Variants in OSMR observed in about 807,000 individuals in gnomAD.
OSMR encodes the protein oncostatin M receptor.
A neutral mutation model predicts 99.9 loss-of-function variants in OSMR; 81 were observed. The ratio of observed to expected loss-of-function variants is 0.81; its 90% CI spans 0.68 to 0.97. The LOEUF (loss-of-function observed/expected upper bound fraction) is 0.97, where lower values mean the gene tolerates loss of function less well. OSMR is among the 50% of genes least tolerant of loss of function. The pLI is 0.00. For synonymous variants in OSMR, 406 were observed against 410.4 expected (o/e 0.99, Z 0.13); for missense variants, 1,099 against 1,153.4 (o/e 0.95, Z 0.68).
downstream of OSMR, chr5:38,937,810 A>C (rs1037046745): frequency 7.7e-5 from 13 of 168,640 alleles, no homozygotes; most frequent in Non-Finnish European, 1.4e-4. The surrounding 1 kb of genome is among the most constrained non-coding windows in gnomAD (Gnocchi z 4.0). Context: ...GTGGTACCTA[A>C]AAGTCACTTT....
At chr5:38,850,998 G>A (rs549119585) in intron 1 of OSMR, among the ~76,000 whole-genome samples, 3 of 152,120 alleles carry the variant, frequency 2.0e-5, no homozygotes, top group Non-Finnish European at 4.4e-5. Context: ...TACATTTTCT[G>A]TACAGAAAAA....
At chr5:38,854,588 T>A (rs1206769304) in intron 1 of OSMR, among the ~76,000 whole-genome samples, 1 of 152,144 alleles carries the variant, frequency 6.6e-6, no homozygotes, top group African/African-American at 2.4e-5. Flanking sequence ...TTGACAATAG[T>A]AAAAGTAGAA....
At chr5:38,857,246 C>T (rs764754848) in intron 1 of OSMR, among the ~76,000 whole-genome samples, 1 of 152,212 alleles carries the variant, frequency 6.6e-6, no homozygotes, top group African/African-American at 2.4e-5. Flanking sequence ...TTCTCTGAAT[C>T]ATCTGCTTTT....
At chr5:38,875,435 T>C (rs1282422057) in intron 2 of OSMR, among the ~76,000 whole-genome samples, 1 of 152,226 alleles carries the variant, frequency 6.6e-6, no homozygotes, top group African/African-American at 2.4e-5. Flanking sequence ...AGTGGCGCCA[T>C]TGGTGGTTTA....
chr5:38,848,253 A>T (rs1740044820), intron 1 of OSMR, among the ~76,000 whole-genome samples: 1 of 152,170 alleles, frequency 6.6e-6, no homozygotes, highest in South Asian at 2.1e-4. Flanking sequence ...TGCTTAAAAA[A>T]TGTGTAAAAT....
At position 38,921,643 on chromosome 5, in the gene OSMR, C is replaced by A. The variant is rs1746239486; in HGVS notation, c.1614C>A (p.Gly538=). The A allele has an allele frequency of 6.2e-7, 1 of 1,614,026 alleles. No individual in the cohort carries two copies. The highest frequency in any genetic ancestry group is 2.2e-5 in the East Asian group (1 of 44,886). ...NKEVEEERIA[G]TEGGFSLSWK... Reference sequence around the variant, plus strand: ...AGGTTGAGGAAGAAAGAATTGCAGGCACAGAGGGTGGATTCTCTCTGTCTT... The same window carrying A: ...AGGTTGAGGAAGAAAGAATTGCAGGAACAGAGGGTGGATTCTCTCTGTCTT... Residue 538 remains glycine, a synonymous_variant, in exon 12 of 18, where the codon GGC becomes GGA. Coordinates refer to ENST00000274276, the MANE Select transcript of OSMR (RefSeq NM_003999.3).
intron 7 of OSMR, among the ~76,000 whole-genome samples, chr5:38,898,952 T>TC (rs1744708328): frequency 1.2e-5 from 1 of 81,888 alleles, no homozygotes; most frequent in East Asian, 5.2e-4. Context: ...CATAATATCT[T>TC]TTTTTTTTTT....
chr5:38,936,418 A>G (rs920638828), downstream of OSMR, among the ~76,000 whole-genome samples: 3 of 152,206 alleles, frequency 2.0e-5, no homozygotes, highest in African/African-American at 7.2e-5. Context: ...GGACTGGCAT[A>G]TATGGCCTTT....
intron 1 of OSMR, among the ~76,000 whole-genome samples, chr5:38,846,818 A>C (rs925204494): frequency 1.6e-4 from 25 of 152,336 alleles, no homozygotes; most frequent in Middle Eastern, 3.4e-3. Flanking sequence ...GGAGGGGTTC[A>C]GTAACTTGTC....
rs951588742 is a variant in OSMR at position 38,903,683 on chromosome 5, A to G, written c.992-199A>G. The G allele has an allele frequency of 7.6e-6, 5 of 657,570 alleles. No homozygotes were observed. The African/African-American group carries it at 9.9e-5, about 13-fold the overall frequency. 40.7% of individuals were successfully genotyped at this position (657,570 alleles called of 1,614,324 possible). On this transcript the variant is annotated intron_variant, in intron 7 of 17. Coordinates refer to ENST00000274276, the MANE Select transcript of OSMR (RefSeq NM_003999.3). ...GTAGTTTCTTTTTGTATTTTGTTCA[A>G]TGCATGCAGTAGAATCATTGAGAGA...
chr5:38,903,810 A>G, intron 7 of OSMR, 72 bp from the exon 8 acceptor site: 1 of 1,550,550 alleles, frequency 6.4e-7, no homozygotes, highest in Non-Finnish European at 8.7e-7. Flanking sequence ...ATGAAGAAAT[A>G]AACTGCCTAT....
At position 38,904,520 on chromosome 5, in the gene OSMR, G is replaced by A. The variant is rs1212600148; in HGVS notation, c.1285+17G>A. 4.3e-6 allele frequency: 7 copies of A among 1,613,936 alleles called. No homozygotes were observed. The highest frequency in any genetic ancestry group is 3.3e-5 in the South Asian group (3 of 91,082). On this transcript the variant is annotated intron_variant, in intron 9 of 17. Coordinates refer to ENST00000274276, the MANE Select transcript of OSMR (RefSeq NM_003999.3). Reference sequence around the variant, plus strand: ...TTGAAGCTGGTATGTTCAGCCCCTGGCATTTAACCCAAAGAAGTAGGTCTT... The same window carrying A: ...TTGAAGCTGGTATGTTCAGCCCCTGACATTTAACCCAAAGAAGTAGGTCTT...
chr5:38,856,933 T>C (rs1011870633), intron 1 of OSMR, among the ~76,000 whole-genome samples: 3 of 152,230 alleles, frequency 2.0e-5, no homozygotes, highest in African/African-American at 4.8e-5. Context: ...TGAGCCATCA[T>C]GCCTGGCCCA....
chr5:38,862,336 A>C (rs1741482332), intron 1 of OSMR, among the ~76,000 whole-genome samples: 2 of 98,520 alleles, frequency 2.0e-5, no homozygotes, highest in Non-Finnish European at 4.0e-5. Flanking sequence ...CTGGCCGGGC[A>C]GAGGGGCTCC....
chr5:38,864,459 T>C (rs576100138), intron 1 of OSMR, among the ~76,000 whole-genome samples: 1 of 152,306 alleles, frequency 6.6e-6, no homozygotes, highest in South Asian at 2.1e-4. Flanking sequence ...TAAATTCCTT[T>C]AGTTTTTGCT....
chr5:38,881,051 A>C (rs1357601234), intron 3 of OSMR, among the ~76,000 whole-genome samples: 1 of 152,228 alleles, frequency 6.6e-6, no homozygotes, highest in Non-Finnish European at 1.5e-5. Context: ...ACAGAAAACC[A>C]GGGGAGACTC....
At chr5:38,889,425 T>C (rs1038491931) in intron 7 of OSMR, among the ~76,000 whole-genome samples, 1 of 152,170 alleles carries the variant, frequency 6.6e-6, no homozygotes, top group African/African-American at 2.4e-5. Flanking sequence ...AATTATCTGT[T>C]GTGTTTTTTT....
downstream of OSMR, chr5:38,935,713 G>T (rs1271387384): frequency 1.3e-5 from 2 of 152,068 alleles, no homozygotes. Flanking sequence ...ATCACCTCAT[G>T]AACTTACTAA....
At chr5:38,895,854 C>T (rs990057499) in intron 7 of OSMR, among the ~76,000 whole-genome samples, 1 of 152,066 alleles carries the variant, frequency 6.6e-6, no homozygotes, top group Non-Finnish European at 1.5e-5. Flanking sequence ...TGTCTAGTTT[C>T]ATTTTTCTGC....
Sources: allele counts gnomAD v4.1 joint callset (sites outside exome capture counted in the v4.1 genomes callset), GRCh38; gene constraint gnomAD v4.1.1; non-coding constraint Gnocchi (gnomAD v3.1); transcripts MANE v1.5; gene names NCBI Gene and HGNC (gene_info 2026-07-23, HGNC 2026-07-21).